The following CABLES2 variants were observed in gnomAD, a reference collection of about 807,000 sequenced individuals.
CABLES2 encodes Cdk5 and Abl enzyme substrate 2, also known as CDK5 and ABL1 enzyme substrate 2.
In CABLES2, 35 loss-of-function variants were observed where a neutral mutation model predicts 44.8. That is an observed-to-expected ratio of 0.78 (90% CI 0.60 to 1.04). The LOEUF (loss-of-function observed/expected upper bound fraction) is 1.04. CABLES2 is among the 50% of genes least tolerant of loss of function. CABLES2 has a pLI of 0.00. For missense variants in CABLES2, 566 were observed against 615.7 expected (o/e 0.92, Z 0.85); for synonymous variants, 282 against 281.1 (o/e 1.00, Z -0.03).
Position 62,391,140 on chromosome 20 carries a change from C to A in CABLES2, c.1297-29G>T. ...CAGGGGAGAAGAGAGAAGGGTTACA[C>A]GGGAGCCTTCCCTCTTCCACATTTC... On this transcript the variant is annotated intron_variant, in intron 9 of 9. Coordinates refer to ENST00000279101, the MANE Select transcript of CABLES2 (RefSeq NM_031215.3). This position sits in a 1 kb window ranked among gnomAD's most constrained non-coding sequence, Gnocchi z 5.7. 1 of 1,610,606 alleles carries A rather than the reference C, an allele frequency of 6.2e-7. No homozygotes were observed. The highest frequency in any genetic ancestry group is 8.5e-7 in the Non-Finnish European group (1 of 1,177,188).
intron 1 of CABLES2, among the ~76,000 whole-genome samples, chr20:62,397,938 A>ATGGCGGTGGTGG (rs1423374198): frequency 3.1e-5 from 2 of 63,622 alleles, no homozygotes; most frequent in East Asian, 2.8e-4. Flanking sequence ...GGTGGTGGTG[A>ATGGCGGTGGTGG]TGGTGGTGAC....
chr20:62,398,843 A>G (rs1316675929), intron 1 of CABLES2, among the ~76,000 whole-genome samples: 1 of 152,236 alleles, frequency 6.6e-6, no homozygotes, highest in African/African-American at 2.4e-5. Context: ...AACCACACCC[A>G]TTTATCAAGT....
In CABLES2 at chr20:62,388,769, C is replaced by T. The variant is rs1987847458; in HGVS notation, c.*2202G>A. 4.3e-6 allele frequency: 2 copies of T among 466,662 alleles called. No homozygotes were observed. Among genetic ancestry groups the T allele is most frequent in the Non-Finnish European group, 7.7e-6 (2 of 258,794 alleles). The allele number at this position is 466,662 out of a possible 1,614,324, so 28.9% of individuals were successfully genotyped here. A position where few individuals can be genotyped will look rare whatever the true frequency, so the allele number is the denominator to read the frequency against. On this transcript the variant is annotated 3_prime_UTR_variant, in exon 10 of 10. Coordinates refer to ENST00000279101, the MANE Select transcript of CABLES2 (RefSeq NM_031215.3). ...TCCACAACTGCTACCGGTGCGGAAG[C>T]AACGCCAGGCCTGGTTCTGTATAGT...
At chr20:62,397,693 A>G (rs371684768) in intron 1 of CABLES2, among the ~76,000 whole-genome samples, 3 of 152,208 alleles carry the variant, frequency 2.0e-5, no homozygotes, top group African/African-American at 7.2e-5. Flanking sequence ...GGAGCCATGA[A>G]TGTGTGCCTG....
Position 62,388,663 on chromosome 20 carries a change from C to T in CABLES2, c.*2308G>A, listed in dbSNP as rs545598971. On this transcript the variant is annotated 3_prime_UTR_variant, in exon 10 of 10. Coordinates refer to ENST00000279101, the MANE Select transcript of CABLES2 (RefSeq NM_031215.3). Reference sequence around the variant, plus strand: ...AAAACTGAGGTTTAAAGGACAAATACATTATCCATTTAAAAACAGATATCT... The same window carrying T: ...AAAACTGAGGTTTAAAGGACAAATATATTATCCATTTAAAAACAGATATCT... 1.8e-5 allele frequency: 11 copies of T among 606,342 alleles called. No homozygotes were observed. The highest frequency in any genetic ancestry group is 1.7e-4 in the African/African-American group (9 of 54,066). The allele number at this position is 606,342 out of a possible 1,614,324, so 37.6% of individuals were successfully genotyped here.
At position 62,393,490 on chromosome 20, in the gene CABLES2, G is replaced by C. The variant is rs375624937; in HGVS notation, c.830C>G (p.Ser277Ter). Residue 277 changes from serine (S) to a stop codon, truncating the protein, a stop_gained, in exon 6 of 10, where the codon TCA becomes TGA. Coordinates refer to ENST00000279101, the MANE Select transcript of CABLES2 (RefSeq NM_031215.3). LOFTEE classifies it high-confidence loss of function. ...RPSVPRTLPG[S>*]RHKPAPTKSA... ...CTTGGTGGGGGCAGGTTTATGTCTTGACCCTGGCAGAGTCCGGGGGACACT... is the reference window on the plus strand; with the variant it reads ...CTTGGTGGGGGCAGGTTTATGTCTTCACCCTGGCAGAGTCCGGGGGACACT... 5 of 1,613,152 alleles carry C rather than the reference G, an allele frequency of 3.1e-6. No homozygotes were observed. Among genetic ancestry groups the C allele is most frequent in the Non-Finnish European group, 4.2e-6 (5 of 1,179,580 alleles).
chr20:62,406,921 C>A lies in CABLES2; in HGVS notation c.356G>T (p.Arg119Leu). The change falls in exon 1 of 10, where the codon CGC becomes CTC. Residue 119 changes from arginine to leucine, a missense_variant. By Grantham distance (102) the Arg-to-Leu change is moderately radical (BLOSUM62 -2). Transcript: ENST00000279101. ...VPTGLGLDGQ[R>L]QRKRVTSQRC... ...TGGCCGGGCCCCCACTCACCTCTGG[C>A]GCTGCCCATCCAGGCCGAGGCCGGT... The A allele has an allele frequency of 8.2e-7, 1 of 1,219,270 alleles. No homozygotes were observed. The highest frequency in any genetic ancestry group is 1.0e-6 in the Non-Finnish European group (1 of 978,838). 75.5% of individuals were successfully genotyped at this position (1,219,270 alleles called of 1,614,324 possible). A position where few individuals can be genotyped will look rare whatever the true frequency, so the allele number is the denominator to read the frequency against.
At position 62,390,941 on chromosome 20, in the gene CABLES2, C is replaced by T. The variant is rs369669045; in HGVS notation, c.*30G>A. ...ACCTCCCAGGCCGGCAAGTGCACCT[C>T]GGTGCCCTGAGCCTTCTGTGGGGCC... On this transcript the variant is annotated 3_prime_UTR_variant, in exon 10 of 10. Coordinates refer to ENST00000279101, the MANE Select transcript of CABLES2 (RefSeq NM_031215.3). 2.1e-4 allele frequency: 333 copies of T among 1,611,292 alleles called. No homozygotes were observed. Among genetic ancestry groups the T allele is most frequent in the African/African-American group, 1.3e-3 (96 of 74,996 alleles).
At chr20:62,398,088 A>ATGGTGGTGGTGGTGGTGGTGATGG (rs1569017555) in intron 1 of CABLES2, among the ~76,000 whole-genome samples, 2 of 52,162 alleles carry the variant, frequency 3.8e-5, no homozygotes, top group Non-Finnish European at 8.0e-5. Flanking sequence ...GGTGGTGGTG[A>ATGGTGGTGGTGGTGGTGGTGATGG]CGGTGGTGGT....
chr20:62,392,891 G>C, intron 7 of CABLES2, 29 bp downstream of exon 7: 1 of 1,593,544 alleles, frequency 6.3e-7, no homozygotes, highest in Non-Finnish European at 8.6e-7. Flanking sequence ...GCAGCTGCCT[G>C]CACCCAGGCC....
chr20:62,393,743 T>C, intron 5 of CABLES2, 138 bp from the exon 6 acceptor site: 2 of 901,756 alleles, frequency 2.2e-6, no homozygotes, highest in South Asian at 1.8e-5. Flanking sequence ...GATCAAGCCG[T>C]TGAGGCTGCG....
In CABLES2 at chr20:62,392,940, G is replaced by A; in HGVS notation, c.964C>T (p.Leu322Phe). ...QWPCGKHKRV[L>F]IFASYMTTVI... ...CTCACCATGTACGACGCAAAGATGA[G>A]GACACGTTTGTGCTTGCCGCAGGGC... Residue 322 changes from leucine to phenylalanine, a missense_variant, in exon 7 of 10, where the codon CTC (leucine) becomes TTC (phenylalanine). Transcript: ENST00000279101. 1.2e-6 allele frequency: 2 copies of A among 1,614,038 alleles called. No homozygotes were observed. Among genetic ancestry groups the A allele is most frequent in the Non-Finnish European group, 8.5e-7 (1 of 1,179,998 alleles).
At chr20:62,398,321 GTGGTGGTGACGATGGTGGTGA>G (rs1988122767) in intron 1 of CABLES2, among the ~76,000 whole-genome samples, 1 of 148,930 alleles carries the variant, frequency 6.7e-6, no homozygotes, top group African/African-American at 2.5e-5. Context: ...GGTGATGGCA[GTGGTGGTGACGATGGTGGTGA>G]TGGTGATGAC....
chr20:62,394,115 G>T, intron 5 of CABLES2, 42 bp downstream of exon 5: 1 of 1,522,022 alleles, frequency 6.6e-7, no homozygotes, highest in Non-Finnish European at 9.1e-7. Context: ...CGCCTGCCTG[G>T]CCCTGACGGC....
At chr20:62,398,092 T>TGGA (rs1988087377) in intron 1 of CABLES2, among the ~76,000 whole-genome samples, 1 of 130,352 alleles carries the variant, frequency 7.7e-6, no homozygotes. Flanking sequence ...GTGGTGACGG[T>TGGA]GGTGGTGGTG....
At position 62,394,189 on chromosome 20, in the gene CABLES2, G is replaced by C. The variant is rs1484011512; in HGVS notation, c.682C>G (p.Leu228Val). Residue 228 changes from leucine to valine, a missense_variant, in exon 5 of 10, where the codon CTA becomes GTA. Transcript: ENST00000279101. ...TCTGCTCCTAGCTCCACACCTTCTA[G>C]CTCAAAGACCATCTCGGAAGACACA... Reference protein sequence around the residue: ...VSVSSEMVFELEGVELGADGK... With the variant: ...VSVSSEMVFEVEGVELGADGK... 1 of 1,613,450 alleles carries C rather than the reference G, an allele frequency of 6.2e-7. No homozygotes were observed. Among genetic ancestry groups the C allele is most frequent in the African/African-American group, 1.3e-5 (1 of 74,936 alleles).
intron 1 of CABLES2, among the ~76,000 whole-genome samples, chr20:62,398,046 G>GCGA (rs1601475803): frequency 6.8e-6 from 1 of 146,442 alleles, no homozygotes; most frequent in Non-Finnish European, 1.5e-5. Context: ...GATGGTGATG[G>GCGA]TGGTGATGGC....
In CABLES2 at chr20:62,389,360, C is replaced by T. The variant is rs1987867604; in HGVS notation, c.*1611G>A. On this transcript the variant is annotated 3_prime_UTR_variant, in exon 10 of 10. Coordinates refer to ENST00000279101, the MANE Select transcript of CABLES2 (RefSeq NM_031215.3). ...GAAAGAACAAAGGCTTTGGTTTGTC[C>T]TCATCCTCCAGTCTGTCCCACACAC... The T allele has an allele frequency of 6.6e-6, 1 of 152,278 alleles. No homozygotes were observed. The highest frequency in any genetic ancestry group is 2.1e-4 in the South Asian group (1 of 4,838). 9.4% of individuals were successfully genotyped at this position (152,278 alleles called of 1,614,324 possible).
At chr20:62,401,744 A>G (rs1195922898) in intron 1 of CABLES2, among the ~76,000 whole-genome samples, 1 of 151,944 alleles carries the variant, frequency 6.6e-6, no homozygotes, top group Non-Finnish European at 1.5e-5. Context: ...AGTGTGGGGG[A>G]GGGGCTGAGG....
Sources: allele counts gnomAD v4.1 joint callset (sites outside exome capture counted in the v4.1 genomes callset), GRCh38; gene constraint gnomAD v4.1.1; non-coding constraint Gnocchi (gnomAD v3.1); transcripts MANE v1.5; gene names NCBI Gene and HGNC (gene_info 2026-07-23, HGNC 2026-07-21).